GFOD2: variants seen among roughly 807,000 people sequenced by gnomAD.
The protein encoded by GFOD2 is Gfo/Idh/MocA-like oxidoreductase domain containing 2.
GFOD2 carries 9 observed loss-of-function variants against 24.6 expected under a neutral mutation model. The observed-to-expected ratio is 0.37, with a 90% CI of 0.22 to 0.64. The LOEUF (loss-of-function observed/expected upper bound fraction) is 0.64, where lower values mean the gene tolerates loss of function less well. GFOD2 is among the 30% of genes least tolerant of loss of function. The pLI is 0.65. For synonymous variants in GFOD2, 211 were observed against 224.8 expected (o/e 0.94, Z 0.55); for missense variants, 476 against 532.5 (o/e 0.89, Z 1.04).
intron 1 of GFOD2, among the ~76,000 whole-genome samples, chr16:67,694,987 CTTTTT>C (rs542893576): frequency 1.5e-4 from 18 of 121,570 alleles, no homozygotes; most frequent in African/African-American, 3.4e-4. Context: ...CCATCTCTCT[CTTTTT>C]TTTTTTTTTT....
Position 67,675,220 on chromosome 16 carries a change from C to A in GFOD2, c.1093G>T (p.Val365Leu), listed in dbSNP as rs1351923581. 6.2e-7 allele frequency: 1 copy of A among 1,613,886 alleles called. No individual in the cohort carries two copies. Among genetic ancestry groups the A allele is most frequent in the Admixed American group, 1.7e-5 (1 of 60,028 alleles). Reference protein sequence around the residue: ...SRSGEWEAVEVLTEEPDTNQN... With the variant: ...SRSGEWEAVELLTEEPDTNQN... ...TTGGTGTCGGGCTCCTCCGTCAGCACCTCCACAGCCTCCCACTCCCCGGAT... is the reference window on the plus strand; with the variant it reads ...TTGGTGTCGGGCTCCTCCGTCAGCAACTCCACAGCCTCCCACTCCCCGGAT... Residue 365 changes from valine (V) to leucine (L), a missense_variant, in exon 3 of 3, where the codon GTG becomes TTG. By Grantham distance (32) the Val-to-Leu change is conservative. Coordinates refer to ENST00000268797, the MANE Select transcript of GFOD2 (RefSeq NM_030819.4).
chr16:67,705,473 G>A (rs976908166), intron 1 of GFOD2, among the ~76,000 whole-genome samples: 12 of 152,278 alleles, frequency 7.9e-5, no homozygotes, highest in African/African-American at 2.6e-4. Context: ...CCCGCAAAGT[G>A]CTGAGAACAC....
chr16:67,704,353 C>T (rs1281218961), intron 1 of GFOD2, among the ~76,000 whole-genome samples: 1 of 152,168 alleles, frequency 6.6e-6, no homozygotes, highest in Non-Finnish European at 1.5e-5. Flanking sequence ...TTACGTGCCC[C>T]GTGCTTTACA....
At chr16:67,688,139 G>C (rs8050513) in intron 1 of GFOD2, among the ~76,000 whole-genome samples, 1,769 of 152,104 alleles carry the variant, frequency 0.012, 28 homozygotes, top group African/African-American at 0.035. Flanking sequence ...TCAATAACCT[G>C]AAAGACATTC....
intron 1 of GFOD2, among the ~76,000 whole-genome samples, chr16:67,694,738 G>A (rs185503638): frequency 4.6e-5 from 7 of 152,216 alleles, no homozygotes; most frequent in Admixed American, 2.0e-4. Flanking sequence ...TGTACTGCTC[G>A]ATTCTATCTG....
Position 67,700,082 on chromosome 16 carries a change from A to G in GFOD2, c.-87-14280T>C, listed in dbSNP as rs146828053. ...AAGAGCATGACCCTGCCTCAAAAAA[A>G]TAAAAACTAGGCCAGGCGCGGTGGC... On this transcript the variant is annotated intron_variant, in intron 1 of 2. Coordinates refer to ENST00000268797, the MANE Select transcript of GFOD2 (RefSeq NM_030819.4). 3.3e-5 allele frequency among the ~76,000 whole-genome samples: 5 copies of G among 152,174 alleles called. No homozygotes were observed. The East Asian group carries it at 9.7e-4, about 30-fold the overall frequency.
chr16:67,707,289 C>T (rs763855937), intron 1 of GFOD2, among the ~76,000 whole-genome samples: 32 of 142,400 alleles, frequency 2.2e-4, no homozygotes, highest in Non-Finnish European at 2.1e-4. Context: ...ACCCAGGAGG[C>T]GGAGGTTGCA....
chr16:67,705,729 A>G (rs1330732833), intron 1 of GFOD2, among the ~76,000 whole-genome samples: 2 of 151,926 alleles, frequency 1.3e-5, no homozygotes, highest in African/African-American at 2.4e-5. Context: ...ACTTGAGGTC[A>G]GGAGTGCGAG....
chr16:67,716,218 A>T (rs1311943393), intron 1 of GFOD2, among the ~76,000 whole-genome samples: 1 of 152,214 alleles, frequency 6.6e-6, no homozygotes, highest in African/African-American at 2.4e-5. Context: ...CAGTGAAAGT[A>T]GCTTCTATTA....
chr16:67,712,986 G>C (rs1167155239), intron 1 of GFOD2, among the ~76,000 whole-genome samples: 1 of 132,408 alleles, frequency 7.6e-6, no homozygotes, highest in East Asian at 2.0e-4. Flanking sequence ...AAGTTCAAGT[G>C]ATTTTCCTGC....
chr16:67,715,900 C>T (rs1305062670), intron 1 of GFOD2, among the ~76,000 whole-genome samples: 2 of 151,982 alleles, frequency 1.3e-5, no homozygotes, highest in Non-Finnish European at 2.9e-5. Context: ...CCCAGCTACT[C>T]AGGAGGCTGA....
chr16:67,704,346 C>T lies in GFOD2; in HGVS notation c.-88+14817G>A, dbSNP rs1029242191. On this transcript the variant is annotated intron_variant, in intron 1 of 2. Transcript: ENST00000268797. The stretch of plus-strand genomic sequence containing the variant: ...AACATCTCTTTTTGAGTAAACATTA[C>T]GTGCCCCGTGCTTTACAGGCATCAT... Among the ~76,000 whole-genome samples the T allele has an allele frequency of 7.9e-5, 12 of 152,298 alleles. No homozygotes were observed. The East Asian group carries it at 2.1e-3, about 27-fold the overall frequency.
At chr16:67,676,686 C>G (rs1011051257) in intron 2 of GFOD2, 2 of 152,320 alleles carry the variant, frequency 1.3e-5, no homozygotes, top group African/African-American at 2.4e-5. Context: ...ACTGGTCCAA[C>G]AAGTTAGAGT....
chr16:67,707,101 G>C (rs2053444105), intron 1 of GFOD2, among the ~76,000 whole-genome samples: 1 of 150,456 alleles, frequency 6.6e-6, no homozygotes, highest in Admixed American at 6.7e-5. Context: ...GCTCACGCCT[G>C]TAATCCCAGC....
At position 67,675,256 on chromosome 16, in the gene GFOD2, T is replaced by A. The variant is rs746635131; in HGVS notation, c.1057A>T (p.Arg353Trp). 2 of 1,613,180 alleles carry A rather than the reference T, an allele frequency of 1.2e-6. No individual in the cohort carries two copies. Among genetic ancestry groups the A allele is most frequent in the South Asian group, 1.1e-5 (1 of 91,090 alleles). The part of the protein sequence containing the change: ...YMQSVVDAIK[R>W]SSRSGEWEAV... The stretch of plus-strand genomic sequence containing the variant: ...TCCCACTCCCCGGATCGGCTCGACC[T>A]CTTGATGGCATCCACCACGCTCTGC... The change falls in exon 3 of 3, where the codon AGG becomes TGG. Residue 353 changes from arginine to tryptophan, a missense_variant. Transcript: ENST00000268797.
At chr16:67,700,065 G>A (rs554160247) in intron 1 of GFOD2, among the ~76,000 whole-genome samples, 1 of 150,422 alleles carries the variant, frequency 6.6e-6, no homozygotes, top group Admixed American at 6.6e-5. Flanking sequence ...ACAAGAGCAT[G>A]ACCCTGCCTC....
At chr16:67,676,156 G>T (rs573629874) in intron 2 of GFOD2, 103 bp from the exon 3 acceptor site, 4 of 1,159,140 alleles carry the variant, frequency 3.5e-6, no homozygotes, top group East Asian at 5.2e-5. Flanking sequence ...ACAACTGCAC[G>T]AACTAATTTT....
At chr16:67,704,168 G>GT (rs534595654) in intron 1 of GFOD2, among the ~76,000 whole-genome samples, 72 of 152,306 alleles carry the variant, frequency 4.7e-4, no homozygotes, top group Non-Finnish European at 7.6e-4. Flanking sequence ...ACAAATTATA[G>GT]TTTTTTGACC....
chr16:67,709,650 C>CT (rs1359777283), intron 1 of GFOD2, among the ~76,000 whole-genome samples: 5 of 152,178 alleles, frequency 3.3e-5, no homozygotes, highest in Non-Finnish European at 7.3e-5. Flanking sequence ...GAGTCTCACT[C>CT]TGTCACCAGG....
Sources: gnomAD v4.1 joint callset for allele counts (sites outside exome capture counted in the v4.1 genomes callset) on GRCh38, gnomAD v4.1.1 for gene constraint, MANE v1.5 for transcripts, NCBI Gene and HGNC (gene_info 2026-07-23, HGNC 2026-07-21) for gene names.